Variants in CALM3 observed in about 807,000 individuals in gnomAD.
The protein encoded by CALM3 is calmodulin-3.
In CALM3, 5 loss-of-function variants were observed where a neutral mutation model predicts 20.1. The ratio of observed to expected loss-of-function variants is 0.25; its 90% CI spans 0.13 to 0.52. The LOEUF (loss-of-function observed/expected upper bound fraction) is 0.52, where lower values mean the gene tolerates loss of function less well. Ranked by LOEUF, CALM3 falls within the 20% of genes least tolerant of loss-of-function variation. CALM3 has a pLI of 0.96. For synonymous variants in CALM3, 69 were observed against 68.1 expected, an observed-to-expected ratio of 1.01 and a Z score of -0.06; for missense variants, 57 against 192.8, an observed-to-expected ratio of 0.30 and a Z score of 4.17.
Position 46,608,748 on chromosome 19 carries a change from G to T in CALM3, c.286-98G>T. Reference sequence around the variant, plus strand: ...CACCTCAGGCAGCCTCCCTCACTGTGCTCACTGCTGAGGGATGGTGATGAC... The same window carrying T: ...CACCTCAGGCAGCCTCCCTCACTGTTCTCACTGCTGAGGGATGGTGATGAC... On this transcript the variant is annotated intron_variant, in intron 4 of 5. Coordinates refer to ENST00000291295, the MANE Select transcript of CALM3 (RefSeq NM_005184.4). This position sits in a 1 kb window ranked among gnomAD's most constrained non-coding sequence, Gnocchi z 5.5. The T allele has an allele frequency of 7.2e-7, 1 of 1,381,986 alleles. No homozygotes were observed. The highest frequency in any genetic ancestry group is 9.9e-7 in the Non-Finnish European group (1 of 1,013,692). 85.6% of individuals were successfully genotyped at this position (1,381,986 alleles called of 1,614,324 possible).
At chr19:46,606,090 TC>T in intron 2 of CALM3, 1 of 503,060 alleles carries the variant, frequency 2.0e-6, no homozygotes, top group East Asian at 3.8e-5. Context: ...AAGGCTGTGT[TC>T]CTCTCCTGGG....
At chr19:46,606,621 C>T (rs970405021) in intron 2 of CALM3, among the ~76,000 whole-genome samples, 11 of 152,288 alleles carry the variant, frequency 7.2e-5, no homozygotes, top group African/African-American at 2.2e-4. Context: ...GTAGGTCCTC[C>T]GCAAACTTTT....
chr19:46,609,529 G>A lies in CALM3; in HGVS notation c.*376G>A, dbSNP rs1001171777. 8.0e-5 allele frequency: 22 copies of A among 275,936 alleles called. No individual in the cohort carries two copies. The highest frequency in any genetic ancestry group is 1.2e-4 in the Non-Finnish European group (17 of 143,938). 17.1% of individuals were successfully genotyped at this position (275,936 alleles called of 1,614,324 possible). On this transcript the variant is annotated 3_prime_UTR_variant, in exon 6 of 6. Coordinates refer to ENST00000291295, the MANE Select transcript of CALM3 (RefSeq NM_005184.4). ...TGTTTGTCATCTTATTTTGGGTGCT[G>A]GGGTGGCTGCCAGCCCTGTCCCGGG...
chr19:46,605,919 A>G lies in CALM3; in HGVS notation c.34+62A>G, dbSNP rs371227609. ...GCCTCCACATCCCCAGCCAAATCTT[A>G]GCCACTGAGGAGTGACATCTGATGG... On this transcript the variant is annotated intron_variant, in intron 2 of 5. Coordinates refer to ENST00000291295, the MANE Select transcript of CALM3 (RefSeq NM_005184.4). This position sits in a 1 kb window ranked among gnomAD's most constrained non-coding sequence, Gnocchi z 4.1. The G allele has an allele frequency of 1.9e-3, 2,768 of 1,486,916 alleles. 8 individuals carry two copies. The highest frequency in any genetic ancestry group is 2.3e-3 in the Non-Finnish European group (2,454 of 1,064,776). 92.1% of individuals were successfully genotyped at this position (1,486,916 alleles called of 1,614,324 possible). A position where few individuals can be genotyped will look rare whatever the true frequency, so the allele number is the denominator to read the frequency against.
Position 46,608,371 on chromosome 19 carries a change from GCTC to G in CALM3, c.178+34_178+36del, listed in dbSNP as rs559310165. ...CCCCACAGAGCGCGTGGGCAGCCCT[GCTC>G]CTGGTCACCCCGAGTGACTGCAGGG... On this transcript the variant is annotated intron_variant, in intron 3 of 5. Transcript: ENST00000291295. This position sits in a 1 kb window ranked among gnomAD's most constrained non-coding sequence, Gnocchi z 5.5. 2.3e-4 allele frequency: 376 copies of G among 1,613,184 alleles called. 1 individual carries two copies. In the East Asian group the frequency reaches 8.2e-3, roughly 35 times the overall value.
In CALM3 at chr19:46,608,800, C is replaced by G; in HGVS notation, c.286-46C>G. The G allele has an allele frequency of 6.5e-7, 1 of 1,529,182 alleles. No individual in the cohort carries two copies. 94.7% of individuals were successfully genotyped at this position (1,529,182 alleles called of 1,614,324 possible). On this transcript the variant is annotated intron_variant, in intron 4 of 5. Transcript: ENST00000291295. This position sits in a 1 kb window ranked among gnomAD's most constrained non-coding sequence, Gnocchi z 5.5. ...GCCACCCCTCTCACTGCCTCTCTCC[C>G]CACCGGGAGAAGTGCCCAGTGAAAG...
upstream of CALM3, chr19:46,601,148 G>C: frequency 1.6e-6 from 1 of 625,306 alleles, no homozygotes; most frequent in Non-Finnish European, 2.7e-6. The surrounding 1 kb of genome is among the most constrained non-coding windows in gnomAD (Gnocchi z 4.2). Context: ...CCTGTGCAGG[G>C]TGGGGACGAG....
Position 46,609,492 on chromosome 19 carries a change from T to C in CALM3, c.*339T>C. 2.7e-6 allele frequency: 1 copy of C among 374,344 alleles called. No homozygotes were observed. The highest frequency in any genetic ancestry group is 4.9e-6 in the Non-Finnish European group (1 of 205,510). The allele number at this position is 374,344 out of a possible 1,614,324, so 23.2% of individuals were successfully genotyped here. ...CCCGGATGGCTCTCCTCCATTTTGG[T>C]TTGTTTCCTCTTGTTTGTCATCTTA... On this transcript the variant is annotated 3_prime_UTR_variant, in exon 6 of 6. Transcript: ENST00000291295.
chr19:46,604,976 T>C, intron 1 of CALM3, among the ~76,000 whole-genome samples: 1 of 145,726 alleles, frequency 6.9e-6, no homozygotes, highest in African/African-American at 2.6e-5. Context: ...CCGCATCTCC[T>C]CCCCACCCCC....
chr19:46,602,958 C>T lies in CALM3; in HGVS notation c.3+1521C>T, dbSNP rs564611038. Among the ~76,000 whole-genome samples the T allele has an allele frequency of 3.3e-5, 5 of 152,310 alleles. No individual in the cohort carries two copies. The South Asian group carries it at 1.0e-3, about 32-fold the overall frequency. Reference sequence around the variant, plus strand: ...GCTGCAGAGCTTGATCAGAGAGTGCCTCTGGGGAGACCCCTTGATCGGCCT... The same window carrying T: ...GCTGCAGAGCTTGATCAGAGAGTGCTTCTGGGGAGACCCCTTGATCGGCCT... On this transcript the variant is annotated intron_variant, in intron 1 of 5. Transcript: ENST00000291295.
In CALM3 at chr19:46,608,130, A is replaced by C. The variant is rs1161269557; in HGVS notation, c.35-67A>C. On this transcript the variant is annotated intron_variant, in intron 2 of 5. Transcript: ENST00000291295. This position sits in a 1 kb window ranked among gnomAD's most constrained non-coding sequence, Gnocchi z 5.5. ...TGGCCTTCCTCCAGGGAAGGCATCC[A>C]GCATCCAGAGGTAAGGATTCTCCTG... The C allele has an allele frequency of 2.0e-6, 3 of 1,510,260 alleles. No individual in the cohort carries two copies. In the African/African-American group the frequency reaches 4.2e-5, roughly 21 times the overall value. 93.6% of individuals were successfully genotyped at this position (1,510,260 alleles called of 1,614,324 possible). A position where few individuals can be genotyped will look rare whatever the true frequency, so the allele number is the denominator to read the frequency against.
At chr19:46,601,100 G>C (rs1449531999), upstream of CALM3, 1 of 969,506 alleles carries the variant, frequency 1.0e-6, no homozygotes, top group South Asian at 1.6e-5. The surrounding 1 kb of genome is among the most constrained non-coding windows in gnomAD (Gnocchi z 4.2). Context: ...GTCCGGCGAC[G>C]GGAGCGAGCG....
At position 46,608,037 on chromosome 19, in the gene CALM3, G is replaced by A. The variant is rs1971779656; in HGVS notation, c.35-160G>A. 1 of 658,048 alleles carries A rather than the reference G, an allele frequency of 1.5e-6. No individual in the cohort carries two copies. Among genetic ancestry groups the A allele is most frequent in the Non-Finnish European group, 2.7e-6 (1 of 377,170 alleles). 40.8% of individuals were successfully genotyped at this position (658,048 alleles called of 1,614,324 possible). On this transcript the variant is annotated intron_variant, in intron 2 of 5. Coordinates refer to ENST00000291295, the MANE Select transcript of CALM3 (RefSeq NM_005184.4). This position sits in a 1 kb window ranked among gnomAD's most constrained non-coding sequence, Gnocchi z 5.5. ...TTGGAAGGGCTTTGCCCTGAGCACT[G>A]AGGAGAGAGAGCTGGTTGCGTGGGA...
chr19:46,608,109 C>A lies in CALM3; in HGVS notation c.35-88C>A. On this transcript the variant is annotated intron_variant, in intron 2 of 5. Transcript: ENST00000291295. The surrounding 1 kb of genome is among the most constrained non-coding windows in gnomAD (Gnocchi z 5.5). ...TTTAGGTGGGACTGATGCCCTTGGC[C>A]TTCCTCCAGGGAAGGCATCCAGCAT... is the stretch of plus-strand genomic sequence containing the variant. 7.4e-7 allele frequency: 1 copy of A among 1,357,654 alleles called. No individual in the cohort carries two copies. Among genetic ancestry groups the A allele is most frequent in the East Asian group, 2.3e-5 (1 of 43,528 alleles). The allele number at this position is 1,357,654 out of a possible 1,614,324, so 84.1% of individuals were successfully genotyped here.
intron 2 of CALM3, among the ~76,000 whole-genome samples, chr19:46,606,583 T>C (rs1199047615): frequency 3.3e-5 from 5 of 152,234 alleles, no homozygotes; most frequent in African/African-American, 4.8e-5. Flanking sequence ...TGGTCCCTGC[T>C]ATAGCCTTAA....
In CALM3 at chr19:46,601,463, G is replaced by T; in HGVS notation, c.3+26G>T. 1.3e-6 allele frequency: 2 copies of T among 1,489,354 alleles called. No individual in the cohort carries two copies. 92.3% of individuals were successfully genotyped at this position (1,489,354 alleles called of 1,614,324 possible). A position where few individuals can be genotyped will look rare whatever the true frequency, so the allele number is the denominator to read the frequency against. On this transcript the variant is annotated intron_variant, in intron 1 of 5. Transcript: ENST00000291295. The surrounding 1 kb of genome is among the most constrained non-coding windows in gnomAD (Gnocchi z 4.2). ...GTGAGTGAGGCTGGGGGGTCGCCGA[G>T]GCTGCGGGCTCTGAGGCGGGCTTAA...
Position 46,608,749 on chromosome 19 carries a change from C to A in CALM3, c.286-97C>A. On this transcript the variant is annotated intron_variant, in intron 4 of 5. Coordinates refer to ENST00000291295, the MANE Select transcript of CALM3 (RefSeq NM_005184.4). This position sits in a 1 kb window ranked among gnomAD's most constrained non-coding sequence, Gnocchi z 5.5. ...ACCTCAGGCAGCCTCCCTCACTGTGCTCACTGCTGAGGGATGGTGATGACA... is the reference window on the plus strand; with the variant it reads ...ACCTCAGGCAGCCTCCCTCACTGTGATCACTGCTGAGGGATGGTGATGACA... The A allele has an allele frequency of 7.2e-7, 1 of 1,385,090 alleles. No individual in the cohort carries two copies. The highest frequency in any genetic ancestry group is 9.8e-7 in the Non-Finnish European group (1 of 1,016,116). The allele number at this position is 1,385,090 out of a possible 1,614,324, so 85.8% of individuals were successfully genotyped here.
chr19:46,602,137 G>A (rs1260880505), intron 1 of CALM3: 3 of 1,330,372 alleles, frequency 2.3e-6, no homozygotes, highest in South Asian at 2.4e-5. Context: ...GGGTGGCAGC[G>A]GAGATTAGAA....
chr19:46,604,781 C>T (rs1256566184), intron 1 of CALM3, among the ~76,000 whole-genome samples: 1 of 152,092 alleles, frequency 6.6e-6, no homozygotes, highest in Non-Finnish European at 1.5e-5. Context: ...GGAACAGACC[C>T]ACCATGGTCC....
Sources: gnomAD v4.1 joint callset for allele counts (sites outside exome capture counted in the v4.1 genomes callset) on GRCh38, gnomAD v4.1.1 for gene constraint, Gnocchi (gnomAD v3.1) non-coding constraint, MANE v1.5 for transcripts, NCBI Gene and HGNC (gene_info 2026-07-23, HGNC 2026-07-21) for gene names.